Variants in EDIL3 observed in about 807,000 individuals in gnomAD.
EDIL3 encodes the protein EGF-like repeat and discoidin I-like domain-containing protein 3.
A neutral mutation model predicts 67.4 loss-of-function variants in EDIL3; 37 were observed. That is an observed-to-expected ratio of 0.55 (90% CI 0.42 to 0.72). The LOEUF (loss-of-function observed/expected upper bound fraction) is 0.72. Among genes scored for constraint, EDIL3 ranks in the 30% least tolerant of loss-of-function variants. The pLI, the probability that EDIL3 is intolerant of heterozygous loss-of-function variation, is 0.00. For missense variants in EDIL3, 527 were observed against 586.3 expected (o/e 0.90, Z 1.04); for synonymous variants, 195 against 196.3 (o/e 0.99, Z 0.05).
At chr5:84,161,632 A>G (rs1748615194) in intron 4 of EDIL3, among the ~76,000 whole-genome samples, 1 of 152,116 alleles carries the variant, frequency 6.6e-6, no homozygotes, top group Non-Finnish European at 1.5e-5. Context: ...CTACTAGACA[A>G]TCGCCTGTAC....
At chr5:84,346,469 A>T (rs904385202) in intron 1 of EDIL3, among the ~76,000 whole-genome samples, 2 of 152,044 alleles carry the variant, frequency 1.3e-5, no homozygotes, top group Non-Finnish European at 2.9e-5. Context: ...GCTCACCCCG[A>T]TCTATATTTT....
intron 10 of EDIL3, among the ~76,000 whole-genome samples, chr5:83,947,369 C>CTGTGTGTG (rs34059015): frequency 1.6e-4 from 21 of 129,442 alleles, no homozygotes; most frequent in South Asian, 4.9e-4. Context: ...GTGTCTGTGT[C>CTGTGTGTG]TGTGTGTGTG....
chr5:84,096,192 T>C (rs978606397), intron 6 of EDIL3, among the ~76,000 whole-genome samples: 2 of 152,116 alleles, frequency 1.3e-5, no homozygotes, highest in Non-Finnish European at 2.9e-5. Context: ...GGGCACCACC[T>C]AGTGGAGCTG....
chr5:84,352,315 C>T (rs1747377512), intron 1 of EDIL3, among the ~76,000 whole-genome samples: 1 of 152,020 alleles, frequency 6.6e-6, no homozygotes, highest in South Asian at 2.1e-4. Context: ...AATCATTTTA[C>T]CAAAAAGACA....
chr5:84,068,912 A>G (rs536897559), intron 6 of EDIL3, among the ~76,000 whole-genome samples: 135 of 152,320 alleles, frequency 8.9e-4, no homozygotes, highest in African/African-American at 3.2e-3. Flanking sequence ...TGGAGGAAAT[A>G]TATAGTATGA....
chr5:84,259,358 T>C (rs1246278882), intron 1 of EDIL3, among the ~76,000 whole-genome samples: 1 of 152,222 alleles, frequency 6.6e-6, no homozygotes, highest in East Asian at 1.9e-4. Context: ...TTTATCCTAC[T>C]GTCAGCAGGC....
intron 5 of EDIL3, among the ~76,000 whole-genome samples, chr5:84,136,013 G>C (rs1748085821): frequency 1.3e-5 from 2 of 151,972 alleles, no homozygotes; most frequent in South Asian, 4.1e-4. Flanking sequence ...GAAAGAAAAA[G>C]AAAATGAGAA....
At chr5:83,954,814 G>A (rs562947766) in intron 10 of EDIL3, among the ~76,000 whole-genome samples, 1 of 151,838 alleles carries the variant, frequency 6.6e-6, no homozygotes, top group East Asian at 2.0e-4. Context: ...AAAACTATCA[G>A]ATTCACCTAA....
intron 9 of EDIL3, among the ~76,000 whole-genome samples, chr5:84,009,322 C>T (rs888264001): frequency 5.3e-5 from 8 of 152,106 alleles, no homozygotes; most frequent in African/African-American, 1.9e-4. Flanking sequence ...TCATCATTAA[C>T]CTGATGACCA....
intron 1 of EDIL3, among the ~76,000 whole-genome samples, chr5:84,356,064 T>C (rs1747474047): frequency 6.6e-6 from 1 of 152,156 alleles, no homozygotes; most frequent in African/African-American, 2.4e-5. Context: ...ATATTAAACA[T>C]AATGGTATTT....
At chr5:84,065,650 A>T (rs1039567232) in intron 7 of EDIL3, among the ~76,000 whole-genome samples, 33 of 152,144 alleles carry the variant, frequency 2.2e-4, no homozygotes, top group Admixed American at 2.6e-4. Context: ...ATAAGAAAAG[A>T]AAAGGAAGTA....
intron 4 of EDIL3, among the ~76,000 whole-genome samples, chr5:84,143,249 T>A (rs73769739): frequency 0.014 from 2,122 of 152,202 alleles, 38 homozygotes; most frequent in East Asian, 0.037. Flanking sequence ...TATATTTGAA[T>A]CTTCTGTTCT....
In EDIL3 at chr5:84,284,571, T is replaced by C. The variant is rs571061321; in HGVS notation, c.68-30359A>G. Among the ~76,000 whole-genome samples, 5 of 152,320 alleles carry C rather than the reference T, an allele frequency of 3.3e-5. No homozygotes were observed. In the East Asian group the frequency reaches 7.7e-4, roughly 23 times the overall value. ...ATTGGTTATAATCAATCTCATGATA[T>C]TGATATTTCCAAGGAAACTAGTGGT... On this transcript the variant is annotated intron_variant, in intron 1 of 10. Coordinates refer to ENST00000296591, the MANE Select transcript of EDIL3 (RefSeq NM_005711.5).
At position 84,211,348 on chromosome 5, in the gene EDIL3, A is replaced by G. The variant is rs1449347029; in HGVS notation, c.226+18507T>C. 2.0e-5 allele frequency among the ~76,000 whole-genome samples: 3 copies of G among 152,282 alleles called. No homozygotes were observed. In the East Asian group the frequency reaches 5.8e-4, roughly 29 times the overall value. ...TGTCTGCTCCTCTCTGCCTGTCACC[A>G]TAACTGGAAGCAGTCTGAGGCTCTT... On this transcript the variant is annotated intron_variant, in intron 3 of 10. Transcript: ENST00000296591.
intron 2 of EDIL3, among the ~76,000 whole-genome samples, chr5:84,253,037 C>G (rs1301711862): frequency 6.6e-6 from 1 of 151,760 alleles, no homozygotes; most frequent in Non-Finnish European, 1.5e-5. Context: ...AACTAATGGC[C>G]AAAGATGGTA....
At chr5:83,951,310 T>G (rs898068376) in intron 10 of EDIL3, among the ~76,000 whole-genome samples, 3 of 151,820 alleles carry the variant, frequency 2.0e-5, no homozygotes, top group Non-Finnish European at 2.9e-5. Context: ...ATTGTAACTA[T>G]GTAAAAAAGT....
At chr5:84,102,611 A>G (rs993271877) in intron 6 of EDIL3, among the ~76,000 whole-genome samples, 3 of 151,696 alleles carry the variant, frequency 2.0e-5, no homozygotes, top group African/African-American at 7.3e-5. Context: ...TTGCTAAAAC[A>G]AAACAAAACA....
intron 6 of EDIL3, chr5:84,078,498 A>C (rs913914485): frequency 6.6e-6 from 1 of 152,226 alleles, no homozygotes; most frequent in African/African-American, 2.4e-5. Flanking sequence ...AATTGACTTC[A>C]AATCAACACA....
At chr5:84,160,658 T>C (rs1360460810) in intron 4 of EDIL3, among the ~76,000 whole-genome samples, 1 of 152,074 alleles carries the variant, frequency 6.6e-6, no homozygotes, top group African/African-American at 2.4e-5. Flanking sequence ...CTCCCAGTTA[T>C]TCCCAGTTTA....
Sources: gnomAD v4.1 joint callset for allele counts (sites outside exome capture counted in the v4.1 genomes callset) on GRCh38, gnomAD v4.1.1 for gene constraint, MANE v1.5 for transcripts, NCBI Gene and HGNC (gene_info 2026-07-23, HGNC 2026-07-21) for gene names.